Variants in CENPN observed in about 807,000 individuals in gnomAD.
CENPN encodes interphase centromere complex protein 32.
Under a neutral mutation model 48.6 loss-of-function variants are expected in CENPN, and 36 were observed. That is an observed-to-expected ratio of 0.74 (90% confidence interval 0.57 to 0.98). The LOEUF (loss-of-function observed/expected upper bound fraction) is 0.98. Among genes scored for constraint, CENPN ranks in the 50% least tolerant of loss-of-function variants. The pLI is 0.00. For synonymous variants in CENPN, 166 were observed against 135.2 expected, an observed-to-expected ratio of 1.23 and a Z score of -1.58; for missense variants, 439 against 399.2, an observed-to-expected ratio of 1.10 and a Z score of -0.85.
chr16:81,012,005 A>G lies in CENPN; in HGVS notation c.66A>G (p.Thr22=), dbSNP rs1597306369. The change falls in exon 2 of 11, where the codon ACA becomes ACG. Residue 22 remains threonine, a synonymous_variant. Coordinates refer to ENST00000305850, the MANE Select transcript of CENPN (RefSeq NM_001100624.3). ...TILKIPMNEL[T]TILKAWDFLS... ...TGAAAATCCCCATGAATGAACTGAC[A>G]ACAATCCTGAAGGCCTGGGATTTTT... 1.2e-6 allele frequency: 2 copies of G among 1,614,162 alleles called. No homozygotes were observed. The highest frequency in any genetic ancestry group is 1.7e-6 in the Non-Finnish European group (2 of 1,179,978).
chr16:81,026,089 G>GTGTGTGTGTGTGTGTA (rs750276928), intron 8 of CENPN, among the ~76,000 whole-genome samples: 3 of 137,606 alleles, frequency 2.2e-5, no homozygotes, highest in African/African-American at 8.3e-5. Context: ...GTGTGTGTGT[G>GTGTGTGTGTGTGTGTA]TATATATATG....
At chr16:81,008,620 G>A (rs1357968163) in intron 1 of CENPN, among the ~76,000 whole-genome samples, 1 of 152,050 alleles carries the variant, frequency 6.6e-6, no homozygotes, top group Non-Finnish European at 1.5e-5. Context: ...GATACACCAC[G>A]CCCGGCGCGC....
intron 4 of CENPN, 32 bp downstream of exon 4, chr16:81,017,417 A>G (rs1251684917): frequency 1.4e-6 from 2 of 1,462,840 alleles, no homozygotes; most frequent in Admixed American, 3.4e-5. Flanking sequence ...TGAATATTTG[A>G]TAGTTTGGCT....
At chr16:81,008,754 A>G (rs974035031) in intron 1 of CENPN, among the ~76,000 whole-genome samples, 2 of 152,244 alleles carry the variant, frequency 1.3e-5, no homozygotes, top group Non-Finnish European at 2.9e-5. Flanking sequence ...TATCAAAGAC[A>G]CATTAGACTG....
At chr16:81,020,474 G>A (rs575535150) in intron 6 of CENPN, 198 bp downstream of exon 6, 38 of 445,050 alleles carry the variant, frequency 8.5e-5, no homozygotes, top group Non-Finnish European at 1.3e-4. Flanking sequence ...CGTGAGCTGC[G>A]ATCACAAGAC....
chr16:81,022,753 A>G, intron 7 of CENPN, 55 bp downstream of exon 7: 1 of 1,614,134 alleles, frequency 6.2e-7, no homozygotes, highest in Non-Finnish European at 8.5e-7. Context: ...TCTTTGACAC[A>G]GGAGTTAGAA....
chr16:81,020,442 G>A (rs1949341381), intron 6 of CENPN, 166 bp downstream of exon 6: 17 of 586,094 alleles, frequency 2.9e-5, no homozygotes, highest in East Asian at 3.3e-5. Context: ...AGGATTGCTC[G>A]TGCCCACGAG....
intron 5 of CENPN, 144 bp downstream of exon 5, chr16:81,017,978 C>T (rs1395185893): frequency 1.8e-6 from 1 of 571,384 alleles, no homozygotes. Flanking sequence ...ATCAGAAACA[C>T]ACTGTAAATA....
In CENPN at chr16:81,028,262, A is replaced by G; in HGVS notation, c.902A>G (p.His301Arg). 6.2e-7 allele frequency: 1 copy of G among 1,614,200 alleles called. No individual in the cohort carries two copies. Among genetic ancestry groups the G allele is most frequent in the Non-Finnish European group, 8.5e-7 (1 of 1,180,000 alleles). ...TGCCTAATAAAGTTCTCTAGCCCAC[A>G]TCTTCTGGAAGCATTGAAATCCTTA... ...LRCLIKFSSPHLLEALKSLAP... is the reference protein window; with the variant it reads ...LRCLIKFSSPRLLEALKSLAP... The change falls in exon 10 of 11, where the codon CAT becomes CGT. Residue 301 changes from histidine (H) to arginine (R), a missense_variant. By Grantham distance (29) the His-to-Arg change is conservative (BLOSUM62 0). Transcript: ENST00000305850.
rs1360096331 is a variant in CENPN, at chr16:81,024,710, C to G, written c.634-5C>G. 2 of 1,597,412 alleles carry G rather than the reference C, an allele frequency of 1.3e-6. No individual in the cohort carries two copies. Among genetic ancestry groups the G allele is most frequent in the Non-Finnish European group, 1.7e-6 (2 of 1,170,330 alleles). On this transcript the variant is annotated splice_polypyrimidine_tract_variant and splice_region_variant and intron_variant, in intron 7 of 10. Transcript: ENST00000305850. ...TTAGTAAAATATTCACTTTTTTTTCCCTAGACCTTTGAAACTCACAACTCT... is the reference window on the plus strand; with the variant it reads ...TTAGTAAAATATTCACTTTTTTTTCGCTAGACCTTTGAAACTCACAACTCT...
chr16:81,016,801 A>G (rs1969950902), intron 3 of CENPN: 1 of 156,792 alleles, frequency 6.4e-6, no homozygotes, highest in Admixed American at 6.5e-5. Flanking sequence ...ACATACATAC[A>G]TACATAATGT....
At chr16:81,011,819 C>T in intron 1 of CENPN, 111 bp from the exon 2 acceptor site, 1 of 870,958 alleles carries the variant, frequency 1.1e-6, no homozygotes, top group Non-Finnish European at 1.7e-6. Context: ...CGTGGGCAAT[C>T]TAGTGAGACC....
chr16:81,011,544 AT>A (rs1969740291), intron 1 of CENPN, among the ~76,000 whole-genome samples: 1 of 152,230 alleles, frequency 6.6e-6, no homozygotes, highest in Admixed American at 6.5e-5. Flanking sequence ...AAACATCAAA[AT>A]ACTCTAGCCA....
chr16:81,012,213 C>CCT, intron 2 of CENPN, 103 bp downstream of exon 2: 1 of 1,036,532 alleles, frequency 9.6e-7, no homozygotes, highest in Non-Finnish European at 1.4e-6. Context: ...AGCTGCTAAA[C>CCT]TACTAGTGAA....
intron 1 of CENPN, among the ~76,000 whole-genome samples, chr16:81,008,690 G>C: frequency 6.6e-6 from 1 of 152,118 alleles, no homozygotes; most frequent in Non-Finnish European, 1.5e-5. Flanking sequence ...TTCACTGACT[G>C]TTGAACCCCA....
downstream of CENPN, chr16:81,032,547 T>A: frequency 1.3e-6 from 2 of 1,565,854 alleles, no homozygotes; most frequent in Non-Finnish European, 1.7e-6. Context: ...ATCAGTTGAT[T>A]TTCAGTGTTT....
chr16:81,017,553 G>T (rs1216737503), intron 4 of CENPN, among the ~76,000 whole-genome samples, 168 bp downstream of exon 4: 2 of 152,050 alleles, frequency 1.3e-5, no homozygotes, highest in African/African-American at 4.8e-5. Context: ...CTTTCAAAAT[G>T]AGGTGATTAT....
chr16:81,023,202 G>T, intron 7 of CENPN: 1 of 281,388 alleles, frequency 3.6e-6, no homozygotes, highest in African/African-American at 2.3e-5. Flanking sequence ...TACAGATGCA[G>T]GGGTGTTTTT....
At chr16:81,027,016 C>T (rs535914851) in intron 9 of CENPN, among the ~76,000 whole-genome samples, 2 of 151,928 alleles carry the variant, frequency 1.3e-5, no homozygotes, top group Admixed American at 6.6e-5. Context: ...AGACTGGTCT[C>T]GAACGGCTGG....
Sources: gnomAD v4.1 joint callset for allele counts (sites outside exome capture counted in the v4.1 genomes callset) on GRCh38, gnomAD v4.1.1 for gene constraint, MANE v1.5 for transcripts, NCBI Gene and HGNC (gene_info 2026-07-23, HGNC 2026-07-21) for gene names.